The following SLMAP variants were observed in gnomAD, a reference collection of about 807,000 sequenced individuals.
SLMAP encodes sarcolemma associated protein.
A neutral mutation model predicts 128.8 loss-of-function variants in SLMAP; 44 were observed. The observed-to-expected ratio is 0.34, with a 90% confidence interval of 0.27 to 0.44. The LOEUF is 0.44. Among genes scored for constraint, SLMAP ranks in the 20% least tolerant of loss-of-function variants. The pLI is 1.00. For missense variants in SLMAP, 787 were observed against 985.3 expected (o/e 0.80, Z 2.69); for synonymous variants, 327 against 348.8 (o/e 0.94, Z 0.70).
At position 57,906,489 on chromosome 3, in the gene SLMAP, G is replaced by T. The variant is rs9821913; in HGVS notation, c.1502-1395G>T. Reference sequence around the variant, plus strand: ...CACCACCACGCCCAGCTAATTTTTAGTATTTTTAGTAGAGACGGGGTTTCC... The same window carrying T: ...CACCACCACGCCCAGCTAATTTTTATTATTTTTAGTAGAGACGGGGTTTCC... On this transcript the variant is annotated intron_variant, in intron 17 of 24. Transcript: ENST00000671191. Among the ~76,000 whole-genome samples the T allele has an allele frequency of 4.4e-4, 64 of 147,108 alleles. 3 individuals are homozygous for T. Among genetic ancestry groups the T allele is most frequent in the Middle Eastern group, 7.0e-3 (2 of 284 alleles).
intron 21 of SLMAP, among the ~76,000 whole-genome samples, chr3:57,914,682 A>G (rs924849865): frequency 1.3e-5 from 2 of 151,808 alleles, no homozygotes; most frequent in African/African-American, 4.8e-5. Flanking sequence ...CCCTGGGGTC[A>G]ATCGATTCTC....
intron 20 of SLMAP, 98 bp from the exon 21 acceptor site, chr3:57,913,059 CA>C: frequency 1.6e-6 from 1 of 625,882 alleles, no homozygotes; most frequent in East Asian, 2.7e-5. Context: ...TTTAAGGGGG[CA>C]AAAAGTATGT....
chr3:57,856,837 A>C (rs1228502933), intron 6 of SLMAP, among the ~76,000 whole-genome samples: 1 of 152,214 alleles, frequency 6.6e-6, no homozygotes, highest in East Asian at 1.9e-4. Flanking sequence ...GTTTACACCA[A>C]CATCTCCTCA....
chr3:57,866,368 T>A (rs941982824), intron 13 of SLMAP, among the ~76,000 whole-genome samples: 2 of 152,164 alleles, frequency 1.3e-5, no homozygotes, highest in Non-Finnish European at 2.9e-5. Context: ...CTGGTAGAGT[T>A]AGGAGGTGGG....
At chr3:57,860,995 A>G (rs1374670095) in intron 9 of SLMAP, among the ~76,000 whole-genome samples, 156 bp downstream of exon 9, 2 of 152,234 alleles carry the variant, frequency 1.3e-5, no homozygotes, top group East Asian at 1.9e-4. Flanking sequence ...TTTCATTGAC[A>G]GCAATTCTCC....
chr3:57,919,041 G>A (rs1204806218), intron 22 of SLMAP, among the ~76,000 whole-genome samples: 1 of 152,190 alleles, frequency 6.6e-6, no homozygotes, highest in Non-Finnish European at 1.5e-5. Flanking sequence ...ATTTATATAT[G>A]TGGCAGCTTT....
At chr3:57,918,670 T>C (rs2096859195) in intron 22 of SLMAP, among the ~76,000 whole-genome samples, 1 of 152,218 alleles carries the variant, frequency 6.6e-6, no homozygotes, top group Admixed American at 6.5e-5. Flanking sequence ...AAAATGTTCT[T>C]TAATGAGGTT....
At chr3:57,887,975 C>G (rs2095944761) in intron 14 of SLMAP, among the ~76,000 whole-genome samples, 1 of 152,170 alleles carries the variant, frequency 6.6e-6, no homozygotes, top group African/African-American at 2.4e-5. Flanking sequence ...ATTTGTGTAT[C>G]TAGTCAAAGC....
At chr3:57,907,118 CT>C (rs1460327857) in intron 17 of SLMAP, among the ~76,000 whole-genome samples, 1 of 152,126 alleles carries the variant, frequency 6.6e-6, no homozygotes, top group African/African-American at 2.4e-5. Context: ...ACGTCTGCCT[CT>C]TGTGTTCAAG....
At chr3:57,783,774 A>G (rs1312711674) in intron 2 of SLMAP, among the ~76,000 whole-genome samples, 3 of 152,214 alleles carry the variant, frequency 2.0e-5, no homozygotes, top group Admixed American at 6.5e-5. Context: ...GAGATCTTCA[A>G]GGCTATCCCT....
chr3:57,831,296 C>A, intron 2 of SLMAP, 87 bp from the exon 3 acceptor site: 1 of 987,940 alleles, frequency 1.0e-6, no homozygotes, highest in Non-Finnish European at 1.4e-6. Context: ...CAATAGTTGG[C>A]AAAGCTGGAA....
At chr3:57,804,292 T>C (rs1332143895) in intron 2 of SLMAP, among the ~76,000 whole-genome samples, 1 of 152,244 alleles carries the variant, frequency 6.6e-6, no homozygotes, top group Non-Finnish European at 1.5e-5. Flanking sequence ...TAAATGCTTT[T>C]CGTTGTTACA....
chr3:57,875,397 C>T (rs566678785), intron 14 of SLMAP, among the ~76,000 whole-genome samples: 1 of 152,188 alleles, frequency 6.6e-6, no homozygotes, highest in East Asian at 1.9e-4. Context: ...ATGCCTGTGT[C>T]CCAGCTACTC....
intron 2 of SLMAP, among the ~76,000 whole-genome samples, chr3:57,760,565 C>A (rs560587351): frequency 6.6e-6 from 1 of 152,188 alleles, no homozygotes; most frequent in African/African-American, 2.4e-5. Flanking sequence ...CACAGTGCGA[C>A]CAAATAGTTC....
chr3:57,834,110 A>G (rs2093498793), intron 3 of SLMAP, among the ~76,000 whole-genome samples: 1 of 152,202 alleles, frequency 6.6e-6, no homozygotes, highest in Admixed American at 6.5e-5. Flanking sequence ...AAAATACAGT[A>G]AGTCTTTTAG....
At chr3:57,894,559 A>G (rs1360517505) in intron 15 of SLMAP, among the ~76,000 whole-genome samples, 1 of 152,262 alleles carries the variant, frequency 6.6e-6, no homozygotes, top group Non-Finnish European at 1.5e-5. Context: ...TTATAAATTT[A>G]TAATCTCACT....
chr3:57,884,062 G>A (rs1298809353), intron 14 of SLMAP, among the ~76,000 whole-genome samples: 1 of 150,796 alleles, frequency 6.6e-6, no homozygotes. Flanking sequence ...CCAAGTAGTT[G>A]AGACTAAGGG....
chr3:57,843,304 C>CAT (rs1560197925), intron 4 of SLMAP, among the ~76,000 whole-genome samples: 1 of 95,084 alleles, frequency 1.1e-5, no homozygotes, highest in Non-Finnish European at 2.1e-5. Flanking sequence ...TCTTTCTTTT[C>CAT]CTTTTTTTTT....
chr3:57,817,689 T>C (rs760564173), intron 2 of SLMAP, among the ~76,000 whole-genome samples: 5 of 152,204 alleles, frequency 3.3e-5, no homozygotes, highest in Non-Finnish European at 7.3e-5. Flanking sequence ...TTCTGAAGTT[T>C]AGATGAGGTA....
Sources: gnomAD v4.1 joint callset for allele counts (sites outside exome capture counted in the v4.1 genomes callset) on GRCh38, gnomAD v4.1.1 for gene constraint, MANE v1.5 for transcripts, NCBI Gene and HGNC (gene_info 2026-07-23, HGNC 2026-07-21) for gene names.